ANO2: variants seen among roughly 807,000 people sequenced by gnomAD.
The protein encoded by ANO2 is anoctamin-2.
Under a neutral mutation model 124.2 loss-of-function variants are expected in ANO2, and 101 were observed. That is an observed-to-expected ratio of 0.81 (90% CI 0.69 to 0.96). The LOEUF is 0.96. Among genes scored for constraint, ANO2 ranks in the 40% least tolerant of loss-of-function variants. The pLI is 0.00. For missense variants in ANO2, 1,293 were observed against 1,274.5 expected (o/e 1.01, Z -0.22); for synonymous variants, 486 against 482.5 (o/e 1.01, Z -0.09).
intron 3 of ANO2, among the ~76,000 whole-genome samples, chr12:5,901,643 G>A (rs1181580998): frequency 6.6e-6 from 1 of 152,168 alleles, no homozygotes; most frequent in Admixed American, 6.5e-5. Context: ...GGACCTGCTC[G>A]GTAGGTGTTG....
At chr12:5,613,206 C>G (rs1360675995) in intron 17 of ANO2, among the ~76,000 whole-genome samples, 1 of 152,036 alleles carries the variant, frequency 6.6e-6, no homozygotes, top group East Asian at 1.9e-4. Context: ...GAGGATGAAG[C>G]TGGGCCTGGT....
chr12:5,884,810 C>A (rs985664801), intron 3 of ANO2, among the ~76,000 whole-genome samples: 2 of 152,228 alleles, frequency 1.3e-5, no homozygotes, highest in Admixed American at 6.5e-5. Context: ...CAAACCCACT[C>A]TCCTCCCACA....
At chr12:5,610,515 C>A (rs903114343) in intron 19 of ANO2, among the ~76,000 whole-genome samples, 65 of 132,416 alleles carry the variant, frequency 4.9e-4, no homozygotes, top group Non-Finnish European at 5.4e-4. Flanking sequence ...AATTTATATA[C>A]AAATTTTTAT....
intron 20 of ANO2, among the ~76,000 whole-genome samples, chr12:5,590,370 G>C (rs1943335414): frequency 1.3e-5 from 2 of 152,222 alleles, no homozygotes; most frequent in Non-Finnish European, 2.9e-5. Flanking sequence ...TGGATGGGAG[G>C]CACATGGAGA....
chr12:5,775,058 CA>C (rs907275181), intron 10 of ANO2, among the ~76,000 whole-genome samples: 9 of 152,156 alleles, frequency 5.9e-5, no homozygotes, highest in African/African-American at 1.9e-4. Context: ...TCAGGAAAAC[CA>C]TTTTCAAAGA....
intron 1 of ANO2, among the ~76,000 whole-genome samples, chr12:5,929,325 T>G (rs1336117011): frequency 1.8e-5 from 2 of 108,830 alleles, no homozygotes; most frequent in Non-Finnish European, 1.8e-5. Flanking sequence ...CCTTCCTTAC[T>G]AGTCTATCTT....
chr12:5,834,703 C>T (rs1486870782), intron 4 of ANO2, among the ~76,000 whole-genome samples: 2 of 152,220 alleles, frequency 1.3e-5, no homozygotes, highest in African/African-American at 2.4e-5. Context: ...AAAATTAACA[C>T]AGTTCAGGTA....
chr12:5,609,869 G>GTATATATATATATATATATA (rs10677018), intron 19 of ANO2, among the ~76,000 whole-genome samples: 114 of 144,414 alleles, frequency 7.9e-4, no homozygotes, highest in Non-Finnish European at 1.4e-3. Context: ...TTTAGAAAAT[G>GTATATATATATATATATATA]TATATATATA....
At chr12:5,757,004 G>A (rs1951602824) in intron 10 of ANO2, among the ~76,000 whole-genome samples, 1 of 152,248 alleles carries the variant, frequency 6.6e-6, no homozygotes, top group Non-Finnish European at 1.5e-5. Flanking sequence ...GTGTTCAAGT[G>A]AGCAAGGCTG....
rs1031181839 is a variant in ANO2 at position 5,922,921 on chromosome 12, A to T, written c.23-117T>A. On this transcript the variant is annotated intron_variant, in intron 1 of 24. Transcript: ENST00000682330. The stretch of plus-strand genomic sequence containing the variant: ...GAGAAAATGGCCCATTTTGCTTCAC[A>T]GCTGCCTCCTTGGTTAGTCCCTAAA... 7.3e-6 allele frequency: 8 copies of T among 1,094,468 alleles called. No individual in the cohort carries two copies. The African/African-American group carries it at 1.3e-4, about 18-fold the overall frequency. The allele number at this position is 1,094,468 out of a possible 1,614,324, so 67.8% of individuals were successfully genotyped here.
chr12:5,784,906 C>T (rs1015020356), intron 10 of ANO2, among the ~76,000 whole-genome samples: 10 of 152,200 alleles, frequency 6.6e-5, no homozygotes, highest in Non-Finnish European at 1.3e-4. Flanking sequence ...TTGCTCATTG[C>T]TTGAAGTCTG....
At chr12:5,697,431 C>A (rs546979207) in intron 14 of ANO2, among the ~76,000 whole-genome samples, 1 of 150,936 alleles carries the variant, frequency 6.6e-6, no homozygotes, top group African/African-American at 2.4e-5. Flanking sequence ...GACTCAGTCT[C>A]AAAAAAAATA....
chr12:5,898,107 A>G (rs981390501), intron 3 of ANO2, among the ~76,000 whole-genome samples: 1 of 152,192 alleles, frequency 6.6e-6, no homozygotes, highest in African/African-American at 2.4e-5. Context: ...AAAAAAGAGG[A>G]TATCCAAATG....
chr12:5,739,839 G>A (rs560893322), intron 12 of ANO2: 128 of 455,456 alleles, frequency 2.8e-4, no homozygotes, highest in Non-Finnish European at 5.0e-4. Flanking sequence ...TGTCCCCAGC[G>A]CCACTTGCCT....
intron 19 of ANO2, among the ~76,000 whole-genome samples, chr12:5,602,419 A>AT (rs1486735948): frequency 1.3e-5 from 2 of 151,636 alleles, no homozygotes; most frequent in African/African-American, 2.4e-5. Flanking sequence ...CCCAGCTAAT[A>AT]TTTTTTGTAT....
chr12:5,796,348 A>G (rs1952848084), intron 10 of ANO2, among the ~76,000 whole-genome samples: 1 of 149,754 alleles, frequency 6.7e-6, no homozygotes, highest in Non-Finnish European at 1.5e-5. Context: ...GCACGCTCAC[A>G]CTCTCACACA....
chr12:5,602,440 G>T (rs752640939), intron 19 of ANO2, among the ~76,000 whole-genome samples: 1 of 148,512 alleles, frequency 6.7e-6, no homozygotes, highest in African/African-American at 2.5e-5. Flanking sequence ...TTTTAGTAAA[G>T]ACAGGGTTTC....
At chr12:5,660,429 A>G (rs7397902) in intron 14 of ANO2, among the ~76,000 whole-genome samples, 6,173 of 146,950 alleles carry the variant, frequency 0.042, 670 homozygotes, top group East Asian at 0.11. Flanking sequence ...CTGTTCTTAG[A>G]ACACGCCAAG....
At chr12:5,564,955 G>C (rs1456235224) in intron 24 of ANO2, among the ~76,000 whole-genome samples, 1 of 152,156 alleles carries the variant, frequency 6.6e-6, no homozygotes. Context: ...AAGACCGGGG[G>C]CACCCAGAGT....
Sources: allele counts gnomAD v4.1 joint callset (sites outside exome capture counted in the v4.1 genomes callset), GRCh38; gene constraint gnomAD v4.1.1; transcripts MANE v1.5; gene names NCBI Gene and HGNC (gene_info 2026-07-23, HGNC 2026-07-21).